The following GABRG3 variants were observed in gnomAD, a reference collection of about 807,000 sequenced individuals.
The protein encoded by GABRG3 is gamma-aminobutyric acid receptor subunit gamma-3.
GABRG3 carries 25 observed loss-of-function variants against 48.8 expected under a neutral mutation model. The observed-to-expected ratio is 0.51, with a 90% CI of 0.37 to 0.72. GABRG3 has a LOEUF of 0.72. Among genes scored for constraint, GABRG3 ranks in the 30% least tolerant of loss-of-function variants. The pLI is 0.00. For missense variants in GABRG3, 394 were observed against 577.9 expected (o/e 0.68, Z 3.26); for synonymous variants, 227 against 217.6 (o/e 1.04, Z -0.38).
chr15:27,331,902 A>G (rs1235156748), intron 5 of GABRG3, among the ~76,000 whole-genome samples: 1 of 152,196 alleles, frequency 6.6e-6, no homozygotes, highest in Non-Finnish European at 1.5e-5. Flanking sequence ...ATCAATTAGG[A>G]ATCTATTGCA....
chr15:27,389,981 G>T (rs1896172429), intron 5 of GABRG3, among the ~76,000 whole-genome samples: 2 of 152,132 alleles, frequency 1.3e-5, no homozygotes, highest in South Asian at 4.1e-4. Context: ...CACCTCTTAG[G>T]CTAAATTTTT....
chr15:27,034,343 T>A (rs749674393), intron 3 of GABRG3, among the ~76,000 whole-genome samples: 5 of 152,208 alleles, frequency 3.3e-5, no homozygotes, highest in African/African-American at 4.8e-5. Flanking sequence ...AATTAAGAAG[T>A]CTGCCCATGG....
chr15:26,999,988 C>T (rs1895413182), intron 2 of GABRG3, among the ~76,000 whole-genome samples: 1 of 152,072 alleles, frequency 6.6e-6, no homozygotes. Flanking sequence ...CATGTCTCTA[C>T]TATTTGAATA....
chr15:27,358,707 A>G (rs9330519), intron 5 of GABRG3, among the ~76,000 whole-genome samples: 51,248 of 152,098 alleles, frequency 0.34, 10,010 homozygotes, highest in African/African-American at 0.53. Flanking sequence ...CAGAGAAAGT[A>G]CTGCATAAGA....
intron 3 of GABRG3, among the ~76,000 whole-genome samples, chr15:27,138,656 T>C (rs919596008): frequency 6.6e-6 from 1 of 152,214 alleles, no homozygotes; most frequent in Non-Finnish European, 1.5e-5. Context: ...GTGTTGGACG[T>C]CCTTTGTGCC....
intron 3 of GABRG3, among the ~76,000 whole-genome samples, chr15:27,292,411 C>A (rs1413575119): frequency 6.6e-6 from 1 of 151,162 alleles, no homozygotes; most frequent in Non-Finnish European, 1.5e-5. Context: ...ACATGTACCC[C>A]AGAACCTAAA....
intron 5 of GABRG3, chr15:27,362,495 A>G (rs1473844417): frequency 1.3e-5 from 2 of 152,238 alleles, no homozygotes; most frequent in Non-Finnish European, 2.9e-5. Context: ...CTGTGACCTT[A>G]TAATTCTGCA....
Position 27,138,175 on chromosome 15 carries a change from G to T in GABRG3, c.270+111354G>T, listed in dbSNP as rs193260469. Among the ~76,000 whole-genome samples, 316 of 152,252 alleles carry T rather than the reference G, an allele frequency of 2.1e-3. 1 individual carries two copies. The highest frequency in any genetic ancestry group is 7.0e-3 in the African/African-American group (290 of 41,552). On this transcript the variant is annotated intron_variant, in intron 3 of 9. Coordinates refer to ENST00000615808, the MANE Select transcript of GABRG3 (RefSeq NM_033223.5). Reference sequence around the variant, plus strand: ...TTCTGATATTTATGCCTGTAGTTCAGAATAATCTGCATATCCTGCTCTTCT... The same window carrying T: ...TTCTGATATTTATGCCTGTAGTTCATAATAATCTGCATATCCTGCTCTTCT...
At chr15:27,020,791 C>G (rs1428094422) in intron 2 of GABRG3, among the ~76,000 whole-genome samples, 1 of 152,194 alleles carries the variant, frequency 6.6e-6, no homozygotes, top group Non-Finnish European at 1.5e-5. Context: ...TCACTCTCTA[C>G]TTTTTCCTCT....
chr15:27,408,652 G>A (rs1887708825), intron 5 of GABRG3, among the ~76,000 whole-genome samples: 1 of 152,160 alleles, frequency 6.6e-6, no homozygotes. Context: ...GACTTCCAGT[G>A]TGGTGTTTTC....
At chr15:27,200,402 A>G (rs1595581555) in intron 3 of GABRG3, among the ~76,000 whole-genome samples, 1 of 152,200 alleles carries the variant, frequency 6.6e-6, no homozygotes, top group Non-Finnish European at 1.5e-5. Context: ...TTTTACATGA[A>G]GTAAAATGAG....
In GABRG3 at chr15:27,015,677, G is replaced by A. The variant is rs147376577; in HGVS notation, c.203-11077G>A. 7.7e-4 allele frequency among the ~76,000 whole-genome samples: 117 copies of A among 152,008 alleles called. No individual in the cohort carries two copies. The East Asian group carries it at 0.017, about 21-fold the overall frequency. ...GCTGGGATTACAGGTGTGAGCCACC[G>A]CGCCCGGCCGTGTTTGATTTTTTTG... On this transcript the variant is annotated intron_variant, in intron 2 of 9. Transcript: ENST00000615808.
intron 2 of GABRG3, among the ~76,000 whole-genome samples, chr15:27,001,034 C>T (rs1030963690): frequency 4.6e-5 from 7 of 152,134 alleles, no homozygotes; most frequent in African/African-American, 1.7e-4. Context: ...CACTGGTTAC[C>T]CAAGCGAGGA....
chr15:27,022,994 G>C (rs539936132), intron 2 of GABRG3, among the ~76,000 whole-genome samples: 167 of 152,210 alleles, frequency 1.1e-3, no homozygotes, highest in African/African-American at 3.7e-3. Flanking sequence ...CTTAGCTGGC[G>C]GATCTTTGCA....
chr15:27,254,250 C>T (rs1890545117), intron 3 of GABRG3, among the ~76,000 whole-genome samples: 1 of 152,112 alleles, frequency 6.6e-6, no homozygotes, highest in African/African-American at 2.4e-5. Flanking sequence ...AGGAAAGAAC[C>T]AGGCTGCGAG....
At chr15:27,277,567 T>C (rs1277567207) in intron 3 of GABRG3, among the ~76,000 whole-genome samples, 1 of 152,170 alleles carries the variant, frequency 6.6e-6, no homozygotes, top group Non-Finnish European at 1.5e-5. Context: ...CGTTCATTGT[T>C]CCAGGACATA....
At chr15:27,350,154 T>A (rs748503589) in intron 5 of GABRG3, 8 of 455,946 alleles carry the variant, frequency 1.8e-5, no homozygotes, top group Non-Finnish European at 3.5e-5. Context: ...AGATTGTCTC[T>A]TCATGCATAT....
At chr15:26,987,421 A>G (rs1333276557) in intron 2 of GABRG3, among the ~76,000 whole-genome samples, 1 of 152,214 alleles carries the variant, frequency 6.6e-6, no homozygotes, top group Admixed American at 6.5e-5. Flanking sequence ...TCCATATCCA[A>G]GACATCTTAC....
intron 3 of GABRG3, among the ~76,000 whole-genome samples, chr15:27,116,675 G>C (rs138658311): frequency 6.6e-6 from 1 of 152,306 alleles, no homozygotes; most frequent in African/African-American, 2.4e-5. Flanking sequence ...CAATGCAATA[G>C]TATTAAGAGG....
Sources: gnomAD v4.1 joint callset for allele counts (sites outside exome capture counted in the v4.1 genomes callset) on GRCh38, gnomAD v4.1.1 for gene constraint, MANE v1.5 for transcripts, NCBI Gene and HGNC (gene_info 2026-07-23, HGNC 2026-07-21) for gene names.